HS3ST3B1: variants seen among roughly 807,000 people sequenced by gnomAD.
HS3ST3B1 encodes heparan sulfate-glucosamine 3-sulfotransferase 3B1.
Under a neutral mutation model 21.3 loss-of-function variants are expected in HS3ST3B1, and 13 were observed. The ratio of observed to expected loss-of-function variants is 0.61; its 90% CI spans 0.40 to 0.97. The LOEUF (loss-of-function observed/expected upper bound fraction) is 0.97. Ranked by LOEUF, HS3ST3B1 falls within the 50% of genes least tolerant of loss-of-function variation. The pLI is 0.00. For missense variants in HS3ST3B1, 459 were observed against 554.8 expected, an observed-to-expected ratio of 0.83 and a Z score of 1.73; for synonymous variants, 234 against 254.8, an observed-to-expected ratio of 0.92 and a Z score of 0.78.
At chr17:14,342,440 G>C (rs1910417393) in intron 1 of HS3ST3B1, among the ~76,000 whole-genome samples, 1 of 152,092 alleles carries the variant, frequency 6.6e-6, no homozygotes, top group Non-Finnish European at 1.5e-5. Flanking sequence ...TATCCACTTA[G>C]TTAACACACC....
chr17:14,343,897 C>CTTT (rs55786183), intron 1 of HS3ST3B1, among the ~76,000 whole-genome samples: 11 of 144,468 alleles, frequency 7.6e-5, no homozygotes, highest in African/African-American at 1.5e-4. Context: ...TAATTTCTTT[C>CTTT]TTTTTTTTTT....
intron 1 of HS3ST3B1, among the ~76,000 whole-genome samples, chr17:14,333,445 G>A (rs2030176612): frequency 6.6e-6 from 1 of 151,414 alleles, no homozygotes; most frequent in Non-Finnish European, 1.5e-5. Flanking sequence ...TCCAGCCTGG[G>A]TGACCGAGTG....
chr17:14,336,132 G>A (rs748428636), intron 1 of HS3ST3B1, among the ~76,000 whole-genome samples: 7 of 152,140 alleles, frequency 4.6e-5, no homozygotes, highest in Non-Finnish European at 8.8e-5. Context: ...AATTGACTTG[G>A]AAGACTGGGC....
chr17:14,310,239 C>T (rs1909264525), intron 1 of HS3ST3B1, among the ~76,000 whole-genome samples: 2 of 152,164 alleles, frequency 1.3e-5, no homozygotes, highest in South Asian at 4.1e-4. Flanking sequence ...CCGAGTGGCA[C>T]GCCCCCTCCC....
intron 1 of HS3ST3B1, among the ~76,000 whole-genome samples, chr17:14,343,058 A>T (rs1597604392): frequency 6.6e-6 from 1 of 152,134 alleles, no homozygotes; most frequent in African/African-American, 2.4e-5. Context: ...CCTGGCCAAC[A>T]TGGTGAAACC....
intron 1 of HS3ST3B1, among the ~76,000 whole-genome samples, chr17:14,323,130 A>G (rs1346140726): frequency 6.6e-6 from 1 of 151,628 alleles, no homozygotes; most frequent in African/African-American, 2.4e-5. Context: ...CTGGTCTCGA[A>G]CTCCTAACCT....
chr17:14,345,688 T>A lies in HS3ST3B1; in HGVS notation c.*42T>A. On this transcript the variant is annotated 3_prime_UTR_variant, in exon 2 of 2. Transcript: ENST00000360954. ...TACCTTACCCACGTGGCTTATCTAT[T>A]GACAGAGATTATATGTATGTAAAAT... 1 of 1,588,352 alleles carries A rather than the reference T, an allele frequency of 6.3e-7. No homozygotes were observed. The highest frequency in any genetic ancestry group is 8.6e-7 in the Non-Finnish European group (1 of 1,165,716).
intron 1 of HS3ST3B1, among the ~76,000 whole-genome samples, chr17:14,308,578 C>G (rs1909203080): frequency 1.3e-5 from 2 of 152,158 alleles, no homozygotes; most frequent in South Asian, 4.1e-4. Context: ...AGATTTAGAG[C>G]TGGTTAAAGA....
In HS3ST3B1 at chr17:14,324,095, C is replaced by T. The variant is rs1013417048; in HGVS notation, c.555-20933C>T. 7.2e-5 allele frequency among the ~76,000 whole-genome samples: 11 copies of T among 152,102 alleles called. 1 individual carries two copies. The highest frequency in any genetic ancestry group is 3.9e-4 in the East Asian group (2 of 5,166). On this transcript the variant is annotated intron_variant, in intron 1 of 1. Transcript: ENST00000360954. ...TCTGCCCAGAATGAGCCTTTCTGGA[C>T]CCAGGAGCCCTTTTCTCGCTTATAA...
chr17:14,331,907 A>G (rs1050923187), intron 1 of HS3ST3B1, among the ~76,000 whole-genome samples: 1 of 152,160 alleles, frequency 6.6e-6, no homozygotes, highest in African/African-American at 2.4e-5. Flanking sequence ...AAGGAGTGGC[A>G]GGGCTGATAC....
chr17:14,334,609 C>T (rs778581847), intron 1 of HS3ST3B1, among the ~76,000 whole-genome samples: 2 of 152,096 alleles, frequency 1.3e-5, no homozygotes, highest in East Asian at 1.9e-4. Flanking sequence ...AATAGATGAG[C>T]GTACATTGAC....
intron 1 of HS3ST3B1, 149 bp downstream of exon 1, chr17:14,302,221 C>A: frequency 1.0e-6 from 1 of 1,001,298 alleles, no homozygotes; most frequent in Non-Finnish European, 1.4e-6. Flanking sequence ...CGCAGCGCAT[C>A]CTGTCCGGGT....
In HS3ST3B1 at chr17:14,348,701, A is replaced by C. The variant is rs1597607947; in HGVS notation, c.*3055A>C. ...GAAAAGCTCTGATATTCATTGGAGT[A>C]CTTTATTTTTTTTCCTCAGTTTTGT... On this transcript the variant is annotated 3_prime_UTR_variant, in exon 2 of 2. Coordinates refer to ENST00000360954, the MANE Select transcript of HS3ST3B1 (RefSeq NM_006041.3). 5.3e-5 allele frequency: 8 copies of C among 152,302 alleles called. No individual in the cohort carries two copies. The South Asian group carries it at 1.4e-3, about 28-fold the overall frequency. 9.4% of individuals were successfully genotyped at this position (152,302 alleles called of 1,614,324 possible). A position where few individuals can be genotyped will look rare whatever the true frequency, so the allele number is the denominator to read the frequency against.
At position 14,346,752 on chromosome 17, in the gene HS3ST3B1, T is replaced by G. The variant is rs1164238903; in HGVS notation, c.*1106T>G. 6.6e-6 allele frequency: 1 copy of G among 152,220 alleles called. No homozygotes were observed. Among genetic ancestry groups the G allele is most frequent in the Non-Finnish European group, 1.5e-5 (1 of 68,088 alleles). The allele number at this position is 152,220 out of a possible 1,614,324, so 9.4% of individuals were successfully genotyped here. ...AGAAATCAAGATGATCTCCTTTAAT[T>G]TGCATGAAACTACACCATGCTGCGT... On this transcript the variant is annotated 3_prime_UTR_variant, in exon 2 of 2. Transcript: ENST00000360954.
At chr17:14,310,221 G>T (rs534910690) in intron 1 of HS3ST3B1, among the ~76,000 whole-genome samples, 73 of 152,262 alleles carry the variant, frequency 4.8e-4, no homozygotes, top group African/African-American at 1.8e-3. Flanking sequence ...ATCTCACCTG[G>T]ACTCAGACCG....
At chr17:14,338,753 C>A (rs1195843383) in intron 1 of HS3ST3B1, among the ~76,000 whole-genome samples, 2 of 152,094 alleles carry the variant, frequency 1.3e-5, no homozygotes, top group Non-Finnish European at 1.5e-5. Flanking sequence ...TGGCTTATAC[C>A]TTTCTTGAAA....
intron 1 of HS3ST3B1, among the ~76,000 whole-genome samples, chr17:14,309,471 G>T (rs1597587074): frequency 6.6e-6 from 1 of 152,296 alleles, no homozygotes; most frequent in East Asian, 1.9e-4. Flanking sequence ...CCGTCTTCGC[G>T]CTGATTGGGT....
intron 1 of HS3ST3B1, among the ~76,000 whole-genome samples, chr17:14,320,085 G>C (rs1323365248): frequency 1.3e-5 from 2 of 152,190 alleles, no homozygotes; most frequent in Admixed American, 1.3e-4. Flanking sequence ...TTTATGAGTG[G>C]AAGGGACAGG....
chr17:14,310,901 G>T (rs1240160334), intron 1 of HS3ST3B1, among the ~76,000 whole-genome samples: 2 of 152,136 alleles, frequency 1.3e-5, no homozygotes, highest in African/African-American at 4.8e-5. Context: ...CAAGTGTGTG[G>T]GTGGATGGGT....
Sources: gnomAD v4.1 joint callset for allele counts (sites outside exome capture counted in the v4.1 genomes callset) on GRCh38, gnomAD v4.1.1 for gene constraint, MANE v1.5 for transcripts, NCBI Gene and HGNC (gene_info 2026-07-23, HGNC 2026-07-21) for gene names.